Variants in CCDC13 observed in about 807,000 individuals in gnomAD.
The protein encoded by CCDC13 is coiled-coil domain-containing protein 13.
CCDC13 carries 70 observed loss-of-function variants against 87.3 expected under a neutral mutation model. That is an observed-to-expected ratio of 0.80 (90% CI 0.66 to 0.98). CCDC13 has a LOEUF of 0.98. Among genes scored for constraint, CCDC13 ranks in the 50% least tolerant of loss-of-function variants. The probability of loss-of-function intolerance (pLI) is 0.00; values close to 1 mark genes in which losing one functional copy is unlikely to be tolerated. For synonymous variants in CCDC13, 317 were observed against 360.3 expected (o/e 0.88, Z 1.36); for missense variants, 842 against 892.0 (o/e 0.94, Z 0.71).
At chr3:42,725,465 T>C (rs1027834785) in intron 13 of CCDC13, among the ~76,000 whole-genome samples, 2 of 145,332 alleles carry the variant, frequency 1.4e-5, no homozygotes, top group African/African-American at 2.6e-5. Flanking sequence ...GCCCGGGAAG[T>C]TGAGGCTGCA....
chr3:42,709,186 G>T, intron 15 of CCDC13, 47 bp from the exon 16 acceptor site: 2 of 1,542,376 alleles, frequency 1.3e-6, no homozygotes, highest in Admixed American at 4.0e-5. Context: ...CTGCACACAG[G>T]TGTGCGTGGG....
intron 1 of CCDC13, among the ~76,000 whole-genome samples, chr3:42,762,617 G>T (rs536019695): frequency 6.6e-6 from 1 of 152,334 alleles, no homozygotes; most frequent in South Asian, 2.1e-4. Flanking sequence ...TCTGGGAGAA[G>T]TAAGTACTGT....
chr3:42,747,408 T>A, intron 5 of CCDC13, 35 bp from the exon 6 acceptor site: 1 of 1,404,048 alleles, frequency 7.1e-7, no homozygotes. Flanking sequence ...AGTAGTCATT[T>A]ATTGCCTACA....
rs753473480 is a variant in CCDC13 at position 42,757,186 on chromosome 3, G to A, written c.250C>T (p.Arg84Ter). Residue 84 changes from arginine to a stop codon, truncating the protein, a stop_gained, in exon 3 of 16, where the codon CGA (arginine) becomes TGA (stop). Transcript: ENST00000310232. LOFTEE classifies it high-confidence loss of function. ...RVLEDEIEHL[R>*]NELRETVDEN... ...TCCACCGTTTCCCTGAGCTCATTTC[G>A]AAGGTGTTCAATCTCATCTTCAAGC... 26 of 1,614,068 alleles carry A rather than the reference G, an allele frequency of 1.6e-5. No individual in the cohort carries two copies. The East Asian group carries it at 1.8e-4, about 11-fold the overall frequency.
At chr3:42,732,289 G>C (rs1698857959) in intron 12 of CCDC13, among the ~76,000 whole-genome samples, 1 of 152,208 alleles carries the variant, frequency 6.6e-6, no homozygotes, top group Non-Finnish European at 1.5e-5. Flanking sequence ...CCACAGAGAT[G>C]AGGGACTGGG....
chr3:42,710,105 T>C (rs1698274087), intron 14 of CCDC13, among the ~76,000 whole-genome samples: 2 of 150,782 alleles, frequency 1.3e-5, no homozygotes, highest in South Asian at 4.2e-4. Context: ...TTGTTTTCTT[T>C]TTTTTTTCTT....
intron 1 of CCDC13, among the ~76,000 whole-genome samples, chr3:42,771,607 T>A (rs1043543112): frequency 1.1e-4 from 16 of 151,982 alleles, no homozygotes; most frequent in Non-Finnish European, 2.1e-4. Flanking sequence ...ATAAAAAAAT[T>A]AGCTGGGCAT....
chr3:42,742,090 A>G (rs1201182712), intron 8 of CCDC13, among the ~76,000 whole-genome samples: 1 of 151,734 alleles, frequency 6.6e-6, no homozygotes, highest in Non-Finnish European at 1.5e-5. Context: ...CCTACTCCCT[A>G]CTCTCATTGC....
At chr3:42,752,788 A>C in intron 3 of CCDC13, 71 bp from the exon 4 acceptor site, 13 of 1,566,252 alleles carry the variant, frequency 8.3e-6, no homozygotes, top group Non-Finnish European at 1.1e-5. Flanking sequence ...TCCACCACTA[A>C]CAGCACCAGG....
Position 42,713,330 on chromosome 3 carries a change from A to G in CCDC13, c.1719-14T>C. ...CTCTCCTCCACCCTGGTGATTAGAG[A>G]GGAGGGGATGCTACATGCCCTGGCA... On this transcript the variant is annotated splice_polypyrimidine_tract_variant and intron_variant, in intron 13 of 15. Transcript: ENST00000310232. 2 of 1,613,192 alleles carry G rather than the reference A, an allele frequency of 1.2e-6. No homozygotes were observed. The highest frequency in any genetic ancestry group is 8.5e-7 in the Non-Finnish European group (1 of 1,179,552).
At chr3:42,771,859 C>T (rs1342571488) in intron 1 of CCDC13, among the ~76,000 whole-genome samples, 7 of 152,106 alleles carry the variant, frequency 4.6e-5, no homozygotes, top group Non-Finnish European at 1.0e-4. Flanking sequence ...AACAAATGTA[C>T]CACACCAATG....
At chr3:42,715,046 CT>C (rs1391294551) in intron 13 of CCDC13, among the ~76,000 whole-genome samples, 1 of 151,960 alleles carries the variant, frequency 6.6e-6, no homozygotes, top group African/African-American at 2.4e-5. Context: ...AATCCCAGCA[CT>C]TTGGGTGGCC....
At chr3:42,735,952 G>T (rs1457080781) in intron 9 of CCDC13, 39 bp from the exon 10 acceptor site, 4 of 1,576,832 alleles carry the variant, frequency 2.5e-6, no homozygotes, top group Non-Finnish European at 2.6e-6. Context: ...AGTCAGTCAT[G>T]GCCCTTTGGG....
chr3:42,760,400 G>A (rs181741800), intron 1 of CCDC13, among the ~76,000 whole-genome samples: 74 of 152,076 alleles, frequency 4.9e-4, no homozygotes, highest in Middle Eastern at 3.4e-3. Context: ...GTGGATCACC[G>A]GAGTTCAGAA....
chr3:42,768,354 C>A lies in CCDC13; in HGVS notation c.-7+4822G>T, dbSNP rs141913138. Among the ~76,000 whole-genome samples, 32 of 152,220 alleles carry A rather than the reference C, an allele frequency of 2.1e-4. No homozygotes were observed. The East Asian group carries it at 4.1e-3, about 19-fold the overall frequency. On this transcript the variant is annotated intron_variant, in intron 1 of 15. Coordinates refer to ENST00000310232, the MANE Select transcript of CCDC13 (RefSeq NM_144719.4). ...ATGAAACAAAAAAAATTGATAAATT[C>A]AACTTCATTAAAATTATAAACTTCT...
chr3:42,772,268 A>C (rs1484592185), intron 1 of CCDC13, among the ~76,000 whole-genome samples: 272 of 111,482 alleles, frequency 2.4e-3, no homozygotes, highest in Non-Finnish European at 3.7e-3. Context: ...AGACTCCGTC[A>C]AAAAAAAAAA....
rs368080694 is a variant in CCDC13 at position 42,730,583 on chromosome 3, C to T, written c.1602G>A (p.Ser534=). 98 of 1,613,778 alleles carry T rather than the reference C, an allele frequency of 6.1e-5. No homozygotes were observed. Among genetic ancestry groups the T allele is most frequent in the Non-Finnish European group, 7.5e-5 (88 of 1,179,878 alleles). The change falls in exon 13 of 16, where the codon TCG becomes TCA. Residue 534 remains serine (S), a synonymous_variant. Coordinates refer to ENST00000310232, the MANE Select transcript of CCDC13 (RefSeq NM_144719.4). ...PSPHRTSPRF[S]DSPEQKGWQA... The stretch of plus-strand genomic sequence containing the variant: ...GCCAGCCTTTTTGTTCTGGGGAGTC[C>T]GAGAACCTGGGACCAGGGTGGAGGG...
chr3:42,745,863 T>A, intron 7 of CCDC13, 60 bp downstream of exon 7: 2 of 1,391,446 alleles, frequency 1.4e-6, no homozygotes, highest in Non-Finnish European at 2.0e-6. Context: ...TCAGGGCAGC[T>A]CTTTCTGGGG....
At chr3:42,756,016 T>C (rs1034380028) in intron 3 of CCDC13, among the ~76,000 whole-genome samples, 1 of 152,200 alleles carries the variant, frequency 6.6e-6, no homozygotes, top group Non-Finnish European at 1.5e-5. Flanking sequence ...GGCCAAAGAA[T>C]GGAGGGAGGT....
Sources: gnomAD v4.1 joint callset for allele counts (sites outside exome capture counted in the v4.1 genomes callset) on GRCh38, gnomAD v4.1.1 for gene constraint, MANE v1.5 for transcripts, NCBI Gene and HGNC (gene_info 2026-07-23, HGNC 2026-07-21) for gene names.